POR: variants seen among roughly 807,000 people sequenced by gnomAD.
POR encodes NADPH--cytochrome P450 reductase.
POR carries 56 observed loss-of-function variants against 84.0 expected under a neutral mutation model. The ratio of observed to expected loss-of-function variants is 0.67; its 90% CI spans 0.54 to 0.83. POR has a LOEUF of 0.83. Among genes scored for constraint, POR ranks in the 40% least tolerant of loss-of-function variants. The pLI is 0.00. For synonymous variants in POR, 414 were observed against 400.5 expected (o/e 1.03, Z -0.40); for missense variants, 938 against 944.3 (o/e 0.99, Z 0.09).
intron 4 of POR, chr7:75,979,799 C>T (rs556144709): frequency 3.3e-6 from 2 of 603,874 alleles, no homozygotes; most frequent in South Asian, 2.1e-5. Context: ...GCATCGTTTC[C>T]CCAGGACTGG....
At chr7:75,950,170 G>C (rs756133657) in intron 1 of POR, among the ~76,000 whole-genome samples, 26 of 152,050 alleles carry the variant, frequency 1.7e-4, no homozygotes, top group Non-Finnish European at 2.6e-4. Context: ...GTGCCCGGAC[G>C]ATCTGACTTA....
intron 1 of POR, among the ~76,000 whole-genome samples, chr7:75,945,627 A>AAT (rs1787140931): frequency 6.6e-6 from 1 of 151,984 alleles, no homozygotes; most frequent in Admixed American, 6.6e-5. Context: ...GAAGCCACTA[A>AAT]ACCTTGGCAG....
intron 2 of POR, among the ~76,000 whole-genome samples, chr7:75,969,944 C>T (rs62475272): frequency 0.011 from 1,618 of 152,286 alleles, 25 homozygotes; most frequent in South Asian, 0.036. Context: ...ACAGCGAAGA[C>T]GGCGACAGTA....
At chr7:75,927,298 G>T (rs1021779058) in intron 1 of POR, among the ~76,000 whole-genome samples, 10 of 152,064 alleles carry the variant, frequency 6.6e-5, no homozygotes, top group African/African-American at 2.2e-4. Context: ...TTGAGCCCAG[G>T]AGTTTGAGAC....
rs1266007538 is a variant in POR, at chr7:75,985,203, C to A, written c.1394C>A (p.Ser465Tyr). The A allele has an allele frequency of 1.2e-5, 19 of 1,590,308 alleles. No homozygotes were observed. The highest frequency in any genetic ancestry group is 1.6e-5 in the Non-Finnish European group (19 of 1,173,570). Reference sequence around the variant, plus strand: ...CGCTACTACTCCATCGCCTCATCCTCCAAGGTGAGGGCCGGCACTGCCCTG... The same window carrying A: ...CGCTACTACTCCATCGCCTCATCCTACAAGGTGAGGGCCGGCACTGCCCTG... The change falls in exon 12 of 16, where the codon TCC becomes TAC. Residue 465 changes from serine (S) to tyrosine (Y), a missense_variant. Ser to Tyr is a moderately radical substitution (Grantham distance 144). Transcript: ENST00000461988.
chr7:75,942,484 A>G (rs1447733937), intron 1 of POR, among the ~76,000 whole-genome samples: 2 of 151,710 alleles, frequency 1.3e-5, no homozygotes, highest in African/African-American at 4.9e-5. Context: ...TCCCCTCTTG[A>G]TATTTGCCTT....
intron 1 of POR, among the ~76,000 whole-genome samples, chr7:75,923,674 G>A (rs1806979525): frequency 6.6e-6 from 1 of 152,074 alleles, no homozygotes; most frequent in South Asian, 2.1e-4. Context: ...GATCACCTGA[G>A]GTCGGGAGTT....
rs1554559622 is a variant in POR, at chr7:75,986,705, C to T, written c.*224C>T. 1 of 617,854 alleles carries T rather than the reference C, an allele frequency of 1.6e-6. No homozygotes were observed. The highest frequency in any genetic ancestry group is 1.8e-5 in the African/African-American group (1 of 54,194). 38.3% of individuals were successfully genotyped at this position (617,854 alleles called of 1,614,324 possible). A position where few individuals can be genotyped will look rare whatever the true frequency, so the allele number is the denominator to read the frequency against. On this transcript the variant is annotated 3_prime_UTR_variant, in exon 16 of 16. Coordinates refer to ENST00000461988, the MANE Select transcript of POR (RefSeq NM_000941.3). ...AGGGCCTGCATGGGGGCACCGGGCTCCATGCCTCTGGAGGCCTCTGGCCCT... is the reference window on the plus strand; with the variant it reads ...AGGGCCTGCATGGGGGCACCGGGCTTCATGCCTCTGGAGGCCTCTGGCCCT...
Position 75,985,802 on chromosome 7 carries a change from C to A in POR, c.1622C>A (p.Ala541Glu). 1 of 1,565,328 alleles carries A rather than the reference C, an allele frequency of 6.4e-7. No homozygotes were observed. Among genetic ancestry groups the A allele is most frequent in the Non-Finnish European group, 8.7e-7 (1 of 1,155,320 alleles). ...ATGGTGGGCCCCGGCACCGGGGTGG[C>A]ACCCTTCATAGGCTTCATCCAGGAG... The change falls in exon 13 of 16, where the codon GCA becomes GAA. Residue 541 changes from alanine to glutamate, a missense_variant. Ala to Glu is a moderately radical substitution (Grantham distance 107). Coordinates refer to ENST00000461988, the MANE Select transcript of POR (RefSeq NM_000941.3).
intron 2 of POR, among the ~76,000 whole-genome samples, chr7:75,958,718 G>A (rs970104875): frequency 3.9e-5 from 6 of 152,162 alleles, no homozygotes; most frequent in Admixed American, 6.5e-5. Context: ...GGTGGCTCAC[G>A]CCTGTAATCC....
At chr7:75,981,248 C>G in intron 6 of POR, 76 bp downstream of exon 6, 1 of 1,463,008 alleles carries the variant, frequency 6.8e-7, no homozygotes. Context: ...GGCGCGCACA[C>G]CATTGTGTCA....
At chr7:75,916,130 G>GA (rs1444833857) in intron 1 of POR, among the ~76,000 whole-genome samples, 1 of 152,066 alleles carries the variant, frequency 6.6e-6, no homozygotes, top group Non-Finnish European at 1.5e-5. Flanking sequence ...ATACCTCCTG[G>GA]AGCCTCCGTT....
intron 1 of POR, chr7:75,945,538 C>T (rs1425283382): frequency 1.3e-5 from 2 of 152,072 alleles, no homozygotes; most frequent in African/African-American, 4.8e-5. Flanking sequence ...GTAGTGTTCC[C>T]CGAGTACCTC....
At chr7:75,929,876 C>T (rs1258644899) in intron 1 of POR, among the ~76,000 whole-genome samples, 3 of 152,290 alleles carry the variant, frequency 2.0e-5, no homozygotes, top group Admixed American at 1.3e-4. Context: ...CAGCCCACTA[C>T]TAGCTGAATG....
In POR at chr7:75,986,058, A is replaced by G. The variant is rs1789433199; in HGVS notation, c.1805A>G (p.Gln602Arg). ...CTCAACGTGGCCTTCTCCCGGGAGC[A>G]GTCCCACAAGGTGAGACGGGCGGGC... Residue 602 changes from glutamine to arginine, a missense_variant, in exon 14 of 16, where the codon CAG becomes CGG. Physicochemically the swap from Gln to Arg is conservative, Grantham distance 43 (BLOSUM62 1). Coordinates refer to ENST00000461988, the MANE Select transcript of POR (RefSeq NM_000941.3). 5.8e-6 allele frequency: 9 copies of G among 1,561,304 alleles called. No individual in the cohort carries two copies. Among genetic ancestry groups the G allele is most frequent in the Admixed American group, 1.9e-5 (1 of 51,758 alleles).
At chr7:75,983,383 C>T in intron 8 of POR, 137 bp from the exon 9 acceptor site, 1 of 656,400 alleles carries the variant, frequency 1.5e-6, no homozygotes, top group Non-Finnish European at 2.7e-6. Context: ...CTGGGAGAGC[C>T]CTTGATGTAA....
intron 7 of POR, chr7:75,981,984 C>T (rs1255703329): frequency 3.5e-6 from 2 of 572,834 alleles, no homozygotes; most frequent in East Asian, 2.9e-5. Context: ...CAGATGGAAG[C>T]CTGCCCAGCC....
intron 1 of POR, among the ~76,000 whole-genome samples, chr7:75,931,531 T>C (rs1554550141): frequency 6.6e-6 from 1 of 151,904 alleles, no homozygotes; most frequent in South Asian, 2.1e-4. Context: ...CACACCCGAC[T>C]AATTTTTTTG....
intron 1 of POR, among the ~76,000 whole-genome samples, chr7:75,939,756 C>T (rs894651401): frequency 6.6e-5 from 10 of 151,696 alleles, no homozygotes; most frequent in South Asian, 2.1e-4. Flanking sequence ...TACAGGGGTG[C>T]GCCACCATAC....
Sources: allele counts gnomAD v4.1 joint callset (sites outside exome capture counted in the v4.1 genomes callset), GRCh38; gene constraint gnomAD v4.1.1; transcripts MANE v1.5; gene names NCBI Gene and HGNC (gene_info 2026-07-23, HGNC 2026-07-21).